The following GUCY1A1 variants were observed in gnomAD, a reference collection of about 807,000 sequenced individuals.
GUCY1A1 encodes the protein guanylate cyclase soluble subunit alpha-1.
GUCY1A1 carries 48 observed loss-of-function variants against 64.5 expected under a neutral mutation model. The ratio of observed to expected loss-of-function variants is 0.74; its 90% confidence interval spans 0.59 to 0.95. The LOEUF (loss-of-function observed/expected upper bound fraction) is 0.95. Ranked by LOEUF, GUCY1A1 falls within the 40% of genes least tolerant of loss-of-function variation. The pLI is 0.00. For synonymous variants in GUCY1A1, 308 were observed against 303.4 expected (o/e 1.02, Z -0.16); for missense variants, 804 against 825.3 (o/e 0.97, Z 0.32).
chr4:155,716,053 G>C (rs1164292139), intron 7 of GUCY1A1, among the ~76,000 whole-genome samples: 1 of 152,132 alleles, frequency 6.6e-6, no homozygotes, highest in Non-Finnish European at 1.5e-5. Context: ...TATCTGCAGA[G>C]AGATTGCTCC....
At chr4:155,682,073 C>T (rs1252056292) in intron 2 of GUCY1A1, among the ~76,000 whole-genome samples, 2 of 152,110 alleles carry the variant, frequency 1.3e-5, no homozygotes, top group Non-Finnish European at 2.9e-5. Flanking sequence ...ATCATGCCAA[C>T]TTTAATTTTA....
Position 155,710,728 on chromosome 4 carries a change from C to A in GUCY1A1, c.563C>A (p.Ala188Asp). The change falls in exon 6 of 10, where the codon GCC becomes GAC. Residue 188 changes from alanine (A) to aspartate (D), a missense_variant. By Grantham distance (126) the Ala-to-Asp change is moderately radical. Transcript: ENST00000506455. ...EAGKRGRLED[A>D]SILCLDKEDD... ...GGAAAAAGGGGCAGGCTTGAGGACG[C>A]CTCCATTCTATGCCTGGATAAGGAG... The A allele has an allele frequency of 6.2e-7, 1 of 1,614,068 alleles. No homozygotes were observed. Among genetic ancestry groups the A allele is most frequent in the Non-Finnish European group, 8.5e-7 (1 of 1,179,990 alleles).
intron 6 of GUCY1A1, among the ~76,000 whole-genome samples, chr4:155,711,882 T>C (rs1485875139): frequency 2.6e-5 from 4 of 152,220 alleles, no homozygotes; most frequent in African/African-American, 7.2e-5. Context: ...GCTTTATTAT[T>C]GCTTTTCTAT....
At chr4:155,716,800 CT>C (rs1733294467) in intron 7 of GUCY1A1, among the ~76,000 whole-genome samples, 1 of 152,022 alleles carries the variant, frequency 6.6e-6, no homozygotes, top group Admixed American at 6.6e-5. Flanking sequence ...ATCCCAACAT[CT>C]TTAAACAATT....
At chr4:155,695,587 G>T (rs1212747101) in intron 2 of GUCY1A1, among the ~76,000 whole-genome samples, 1 of 152,152 alleles carries the variant, frequency 6.6e-6, no homozygotes, top group Non-Finnish European at 1.5e-5. Context: ...CATTGGCTTT[G>T]GAGTCAGCTG....
At chr4:155,706,918 T>TA (rs1261463133) in intron 4 of GUCY1A1, among the ~76,000 whole-genome samples, 2 of 152,174 alleles carry the variant, frequency 1.3e-5, no homozygotes, top group African/African-American at 4.8e-5. Context: ...ATCTTATCAA[T>TA]AAAAAAGCAT....
chr4:155,705,077 A>G (rs1235251575), intron 4 of GUCY1A1, among the ~76,000 whole-genome samples: 2 of 152,062 alleles, frequency 1.3e-5, no homozygotes, highest in Non-Finnish European at 2.9e-5. Context: ...TGTTTTGTAG[A>G]GATGGGGTTT....
At chr4:155,725,891 AT>A (rs1295165681) in intron 9 of GUCY1A1, among the ~76,000 whole-genome samples, 1 of 152,042 alleles carries the variant, frequency 6.6e-6, no homozygotes, top group Admixed American at 6.6e-5. Flanking sequence ...TTTTAAATAA[AT>A]TTTTTATTAC....
intron 2 of GUCY1A1, among the ~76,000 whole-genome samples, chr4:155,677,030 C>A (rs914813310): frequency 6.6e-6 from 1 of 151,454 alleles, no homozygotes; most frequent in Admixed American, 6.6e-5. Context: ...AGTCTGTCCG[C>A]CCCAACCTTT....
At chr4:155,675,941 C>A (rs902114086) in intron 2 of GUCY1A1, among the ~76,000 whole-genome samples, 1 of 151,456 alleles carries the variant, frequency 6.6e-6, no homozygotes, top group East Asian at 1.9e-4. Context: ...CCACCTTCCA[C>A]AAAAATTGCT....
chr4:155,727,437 G>A (rs1379549850), intron 9 of GUCY1A1, among the ~76,000 whole-genome samples: 1 of 151,720 alleles, frequency 6.6e-6, no homozygotes, highest in Admixed American at 6.6e-5. Flanking sequence ...CTAGAGCAAT[G>A]CCCTTAATAA....
rs888384590 is a variant in GUCY1A1, at chr4:155,735,160, C to T, written c.*4929C>T. Reference sequence around the variant, plus strand: ...GAAGCAGCTTTGCTTATTACAGCCACACCTGCATCTGTTTTGACTAGCCCA... The same window carrying T: ...GAAGCAGCTTTGCTTATTACAGCCATACCTGCATCTGTTTTGACTAGCCCA... On this transcript the variant is annotated 3_prime_UTR_variant, in exon 10 of 10. Coordinates refer to ENST00000506455, the MANE Select transcript of GUCY1A1 (RefSeq NM_001130682.3). The T allele has an allele frequency of 1.3e-5, 2 of 152,100 alleles. No individual in the cohort carries two copies. The highest frequency in any genetic ancestry group is 4.1e-4 in the South Asian group (2 of 4,826). 9.4% of individuals were successfully genotyped at this position (152,100 alleles called of 1,614,324 possible).
rs1735371141 is a variant in GUCY1A1, at chr4:155,730,174, G to C, written c.2016G>C (p.Lys672Asn). 6.2e-7 allele frequency: 1 copy of C among 1,611,620 alleles called. No homozygotes were observed. Among genetic ancestry groups the C allele is most frequent in the East Asian group, 2.2e-5 (1 of 44,808 alleles). The change falls in exon 10 of 10, where the codon AAG (lysine) becomes AAC (asparagine). Residue 672 changes from lysine to asparagine, a missense_variant. Lys to Asn is a moderately conservative substitution (Grantham distance 94). Coordinates refer to ENST00000506455, the MANE Select transcript of GUCY1A1 (RefSeq NM_001130682.3). ...QGTNSKPCFQ[K>N]KDVEDGNANF... ...CAAACTCAAAACCATGCTTCCAAAA[G>C]AAAGATGTGGAAGATGGCAATGCCA...
At chr4:155,685,893 C>A (rs1728938969) in intron 2 of GUCY1A1, among the ~76,000 whole-genome samples, 1 of 152,046 alleles carries the variant, frequency 6.6e-6, no homozygotes, top group Non-Finnish European at 1.5e-5. Flanking sequence ...TTTCCCCTAC[C>A]ATTCGGTGAG....
At chr4:155,728,491 T>C (rs1735054698) in intron 9 of GUCY1A1, among the ~76,000 whole-genome samples, 1 of 151,858 alleles carries the variant, frequency 6.6e-6, no homozygotes, top group African/African-American at 2.4e-5. Context: ...GTCCAATTTT[T>C]CATTATTACA....
At chr4:155,670,902 G>T (rs1048687173) in intron 2 of GUCY1A1, among the ~76,000 whole-genome samples, 2 of 152,104 alleles carry the variant, frequency 1.3e-5, no homozygotes, top group Non-Finnish European at 2.9e-5. Flanking sequence ...TCTTAGGGGG[G>T]AAGCAAATGG....
At chr4:155,680,816 G>A (rs935682180) in intron 2 of GUCY1A1, among the ~76,000 whole-genome samples, 1 of 152,054 alleles carries the variant, frequency 6.6e-6, no homozygotes, top group African/African-American at 2.4e-5. Context: ...GGAAGAAGAA[G>A]ATAAGGGGTT....
At chr4:155,698,562 T>G (rs946209029) in intron 3 of GUCY1A1, among the ~76,000 whole-genome samples, 4 of 152,152 alleles carry the variant, frequency 2.6e-5, no homozygotes, top group Non-Finnish European at 5.9e-5. Flanking sequence ...GGCTTTATCA[T>G]TTTGTTTGGT....
chr4:155,681,429 T>C (rs2126608686), intron 2 of GUCY1A1, among the ~76,000 whole-genome samples: 1 of 152,360 alleles, frequency 6.6e-6, no homozygotes, highest in Non-Finnish European at 1.5e-5. Context: ...CAGATCTTAA[T>C]GTAATCTGTA....
Sources: gnomAD v4.1 joint callset for allele counts (sites outside exome capture counted in the v4.1 genomes callset) on GRCh38, gnomAD v4.1.1 for gene constraint, MANE v1.5 for transcripts, NCBI Gene and HGNC (gene_info 2026-07-23, HGNC 2026-07-21) for gene names.